DPYD: variants seen among roughly 807,000 people sequenced by gnomAD.
DPYD encodes dihydropyrimidine dehydrogenase.
Under a neutral mutation model 116.2 loss-of-function variants are expected in DPYD, and 109 were observed. The observed-to-expected ratio is 0.94, with a 90% CI of 0.80 to 1.10. The LOEUF (loss-of-function observed/expected upper bound fraction) is 1.10, where lower values mean the gene tolerates loss of function less well. Among genes scored for constraint, DPYD ranks in the 50% least tolerant of loss-of-function variants. The pLI is 0.00. For missense variants in DPYD, 1,302 were observed against 1,254.5 expected (o/e 1.04, Z -0.57); for synonymous variants, 440 against 432.0 (o/e 1.02, Z -0.23).
chr1:97,300,292 CT>C (rs1369839274), intron 18 of DPYD, among the ~76,000 whole-genome samples: 1 of 152,064 alleles, frequency 6.6e-6, no homozygotes, highest in Admixed American at 6.6e-5. Context: ...TAAATTCTAT[CT>C]TTATCTATCA....
chr1:97,112,011 T>C (rs1306896219), intron 20 of DPYD, among the ~76,000 whole-genome samples: 7 of 152,254 alleles, frequency 4.6e-5, no homozygotes, highest in South Asian at 2.1e-4. Flanking sequence ...TCATACACAA[T>C]AGGCACTTAA....
chr1:97,127,227 A>T (rs6683233), intron 20 of DPYD, among the ~76,000 whole-genome samples: 3,338 of 152,288 alleles, frequency 0.022, 62 homozygotes, highest in African/African-American at 0.052. Flanking sequence ...TGTTTGTGAC[A>T]AAGAGGAAAA....
At chr1:97,864,731 T>C (rs956121381) in intron 2 of DPYD, among the ~76,000 whole-genome samples, 1 of 151,898 alleles carries the variant, frequency 6.6e-6, no homozygotes, top group African/African-American at 2.4e-5. Flanking sequence ...TACGAAGTTC[T>C]GGTAAGGAAA....
At chr1:97,257,031 A>G (rs1663527943) in intron 18 of DPYD, among the ~76,000 whole-genome samples, 1 of 152,090 alleles carries the variant, frequency 6.6e-6, no homozygotes, top group African/African-American at 2.4e-5. Flanking sequence ...GTAAAAAGAA[A>G]TCAGAAGACT....
intron 20 of DPYD, among the ~76,000 whole-genome samples, chr1:97,135,358 C>A (rs1653704360): frequency 6.6e-6 from 1 of 152,102 alleles, no homozygotes. Context: ...TTAAGACAAA[C>A]CTAGACATCC....
At chr1:97,609,745 G>A (rs2100744641) in intron 8 of DPYD, among the ~76,000 whole-genome samples, 1 of 152,044 alleles carries the variant, frequency 6.6e-6, no homozygotes. Context: ...GAAAAAGGAA[G>A]CTTAACCTAG....
intron 8 of DPYD, among the ~76,000 whole-genome samples, chr1:97,605,184 T>C (rs978486515): frequency 2.0e-5 from 3 of 152,226 alleles, no homozygotes; most frequent in East Asian, 1.9e-4. Flanking sequence ...GAATATTGGG[T>C]CCAGTGTAAG....
intron 10 of DPYD, 81 bp from the exon 11 acceptor site, chr1:97,574,051 T>G: frequency 6.4e-7 from 1 of 1,562,724 alleles, no homozygotes; most frequent in Middle Eastern, 1.8e-4. Flanking sequence ...GAATTACACA[T>G]GCTAAAGCTT....
intron 19 of DPYD, among the ~76,000 whole-genome samples, chr1:97,206,542 C>T (rs983438007): frequency 5.4e-5 from 8 of 149,292 alleles, no homozygotes; most frequent in Non-Finnish European, 1.2e-4. Flanking sequence ...CTCAGTTTGC[C>T]CACAGGATCC....
chr1:97,406,925 T>C (rs905598245), intron 14 of DPYD, among the ~76,000 whole-genome samples: 1 of 152,162 alleles, frequency 6.6e-6, no homozygotes, highest in African/African-American at 2.4e-5. Context: ...AATCTGTGCA[T>C]GATATTTTCT....
intron 14 of DPYD, among the ~76,000 whole-genome samples, chr1:97,395,408 TATACTG>T (rs1018136594): frequency 1.9e-4 from 29 of 152,100 alleles, no homozygotes; most frequent in Non-Finnish European, 7.4e-5. Flanking sequence ...TGGAGAATCT[TATACTG>T]ATAATAATGA....
In DPYD at chr1:97,731,053, C is replaced by T. The variant is rs147714111; in HGVS notation, c.321+9339G>A. ...TATATATATATTCAAACATATATAA[C>T]TTACATATAAAATGCTGAAAACTTT... is the stretch of plus-strand genomic sequence containing the variant. On this transcript the variant is annotated intron_variant, in intron 4 of 22. Transcript: ENST00000370192. Among the ~76,000 whole-genome samples the T allele has an allele frequency of 1.2e-3, 187 of 152,126 alleles. 2 individuals carry two copies. Among genetic ancestry groups the T allele is most frequent in the Middle Eastern group, 3.4e-3 (1 of 292 alleles).
intron 8 of DPYD, among the ~76,000 whole-genome samples, chr1:97,674,786 C>T (rs528723662): frequency 6.6e-6 from 1 of 152,242 alleles, no homozygotes; most frequent in South Asian, 2.1e-4. Context: ...TTAATACCAA[C>T]CTAAACAACG....
At chr1:97,335,191 C>T (rs1200149817) in intron 16 of DPYD, among the ~76,000 whole-genome samples, 2 of 151,954 alleles carry the variant, frequency 1.3e-5, no homozygotes, top group African/African-American at 2.4e-5. Flanking sequence ...CAGAGCCTCC[C>T]CTCTTCTTTC....
At chr1:97,137,426 T>C (rs1436444550) in intron 20 of DPYD, among the ~76,000 whole-genome samples, 1 of 152,230 alleles carries the variant, frequency 6.6e-6, no homozygotes, top group Non-Finnish European at 1.5e-5. Flanking sequence ...TCTTGAAACC[T>C]GACTATTTAG....
chr1:97,411,687 T>G (rs1361033771), intron 14 of DPYD, among the ~76,000 whole-genome samples: 1 of 152,222 alleles, frequency 6.6e-6, no homozygotes, highest in Non-Finnish European at 1.5e-5. Flanking sequence ...TCCCACATTT[T>G]TAAAACATCA....
At chr1:97,625,334 G>C (rs1656869120) in intron 8 of DPYD, among the ~76,000 whole-genome samples, 1 of 151,610 alleles carries the variant, frequency 6.6e-6, no homozygotes, top group African/African-American at 2.4e-5. Context: ...TTCTGAACAA[G>C]AGTCTGCCTT....
chr1:97,400,590 TG>T (rs1257121441), intron 14 of DPYD, among the ~76,000 whole-genome samples: 1 of 152,194 alleles, frequency 6.6e-6, no homozygotes, highest in Admixed American at 6.5e-5. Flanking sequence ...GGACTTTTTT[TG>T]GTTGGTAAGC....
intron 8 of DPYD, among the ~76,000 whole-genome samples, chr1:97,656,364 G>A (rs1443951471): frequency 3.3e-5 from 5 of 152,166 alleles, no homozygotes; most frequent in Non-Finnish European, 7.4e-5. Context: ...CAAGATGAAT[G>A]AGGGAATCAA....
Sources: allele counts gnomAD v4.1 joint callset (sites outside exome capture counted in the v4.1 genomes callset), GRCh38; gene constraint gnomAD v4.1.1; transcripts MANE v1.5; gene names NCBI Gene and HGNC (gene_info 2026-07-23, HGNC 2026-07-21).